Variants in KDM6B observed in about 807,000 individuals in gnomAD.
The protein encoded by KDM6B is lysine demethylase 6B.
In KDM6B, 22 loss-of-function variants were observed where a neutral mutation model predicts 150.4. The observed-to-expected ratio is 0.15, with a 90% CI of 0.10 to 0.21. KDM6B has a LOEUF of 0.21. Ranked by LOEUF, KDM6B falls within the 10% of genes least tolerant of loss-of-function variation. The probability of loss-of-function intolerance (pLI) is 1.00; values close to 1 mark genes in which losing one functional copy is unlikely to be tolerated. For missense variants in KDM6B, 1,984 were observed against 2,234.3 expected (o/e 0.89, Z 2.26); for synonymous variants, 1,148 against 921.1 (o/e 1.25, Z -4.46).
rs2078506115 is a variant in KDM6B, at chr17:7,845,141, C to G, written c.-149+121C>G. ...CTGCCACACACGTCCTGACTCCCAG[C>G]CACACTCCTGGGCCTCTAGGGAGTG... is the stretch of plus-strand genomic sequence containing the variant. On this transcript the variant is annotated intron_variant, in intron 3 of 23. Coordinates refer to ENST00000448097, the MANE Select transcript of KDM6B (RefSeq NM_001348716.2). 3.3e-5 allele frequency: 10 copies of G among 304,948 alleles called. No homozygotes were observed. In the Admixed American group the frequency reaches 4.5e-4, roughly 14 times the overall value. 18.9% of individuals were successfully genotyped at this position (304,948 alleles called of 1,614,324 possible). A position where few individuals can be genotyped will look rare whatever the true frequency, so the allele number is the denominator to read the frequency against.
At chr17:7,847,081 T>C in intron 10 of KDM6B, 24 bp from the exon 11 acceptor site, 1 of 1,611,186 alleles carries the variant, frequency 6.2e-7, no homozygotes, top group East Asian at 2.2e-5. Context: ...TTCCTCATCC[T>C]GCATCCCTGT....
At chr17:7,846,001 G>A (rs758085414) in intron 6 of KDM6B, 31 bp downstream of exon 6, 1 of 1,608,052 alleles carries the variant, frequency 6.2e-7, no homozygotes, top group Admixed American at 1.7e-5. Context: ...TCTGGGAGTG[G>A]GAGGTAAGGC....
At position 7,847,309 on chromosome 17, in the gene KDM6B, T is replaced by C. The variant is rs1022521532; in HGVS notation, c.1114T>C (p.Ser372Pro). Residue 372 changes from serine to proline, a missense_variant, in exon 11 of 24, where the codon TCC (serine) becomes CCC (proline). Transcript: ENST00000448097. ...CAGAGTTCAGAGGTCGCGGATGGAC[T>C]CCAGCGTTTCACCAGCAGCAACCAC... ...ESRVQRSRMD[S>P]SVSPAATTAC... 5.6e-6 allele frequency: 9 copies of C among 1,606,888 alleles called. No individual in the cohort carries two copies. The highest frequency in any genetic ancestry group is 4.4e-5 in the South Asian group (4 of 91,060).
At position 7,853,717 on chromosome 17, in the gene KDM6B, G is replaced by C; in HGVS notation, c.*196G>C. 2.9e-6 allele frequency: 1 copy of C among 348,262 alleles called. No homozygotes were observed. Among genetic ancestry groups the C allele is most frequent in the East Asian group, 4.9e-5 (1 of 20,518 alleles). 21.6% of individuals were successfully genotyped at this position (348,262 alleles called of 1,614,324 possible). On this transcript the variant is annotated 3_prime_UTR_variant, in exon 24 of 24. Transcript: ENST00000448097. ...TTTTTAGCAAATATGAGGAAAAAAGGAAAAAAAATGGGAGACGGGGGAGGG... is the reference window on the plus strand; with the variant it reads ...TTTTTAGCAAATATGAGGAAAAAAGCAAAAAAAATGGGAGACGGGGGAGGG...
At position 7,850,195 on chromosome 17, in the gene KDM6B, A is replaced by G; in HGVS notation, c.3673+18A>G. The G allele has an allele frequency of 6.2e-7, 1 of 1,600,722 alleles. No homozygotes were observed. Among genetic ancestry groups the G allele is most frequent in the South Asian group, 1.1e-5 (1 of 90,728 alleles). On this transcript the variant is annotated intron_variant, in intron 14 of 23. Transcript: ENST00000448097. ...GCGGCTCAGTGAGTATGGGGGGCAG[A>G]AAGTGTTAGGGAGGGCTACAAGGGT...
intron 2 of KDM6B, 174 bp downstream of exon 2, chr17:7,840,198 C>T (rs999426450): frequency 6.6e-6 from 1 of 152,386 alleles, no homozygotes; most frequent in African/African-American, 2.4e-5. Flanking sequence ...ATGGACCTCC[C>T]TTCTATCTCC....
At chr17:7,834,766 T>G (rs1439785576) in intron 1 of KDM6B, among the ~76,000 whole-genome samples, 1 of 152,116 alleles carries the variant, frequency 6.6e-6, no homozygotes, top group Admixed American at 6.5e-5. Flanking sequence ...CCAGGACTAC[T>G]TTAAGTCTCC....
At position 7,847,011 on chromosome 17, in the gene KDM6B, C is replaced by T. The variant is rs755103814; in HGVS notation, c.904C>T (p.Arg302Cys). 14 of 1,613,560 alleles carry T rather than the reference C, an allele frequency of 8.7e-6. No individual in the cohort carries two copies. Among genetic ancestry groups the T allele is most frequent in the African/African-American group, 4.0e-5 (3 of 74,998 alleles). Reference sequence around the variant, plus strand: ...GCGCAAGGGTTCAGCACCCCCAGAGCGCCAGGTGAGCCCCTGCCTGTTGCC... The same window carrying T: ...GCGCAAGGGTTCAGCACCCCCAGAGTGCCAGGTGAGCCCCTGCCTGTTGCC... ...PERKGSAPPERQEQRHSLPHP... is the reference protein window; with the variant it reads ...PERKGSAPPECQEQRHSLPHP... The change falls in exon 10 of 24, where the codon CGC (arginine) becomes TGC (cysteine). Residue 302 changes from arginine (R) to cysteine (C), a missense_variant. Physicochemically the swap from Arg to Cys is radical, Grantham distance 180 (BLOSUM62 -3). Coordinates refer to ENST00000448097, the MANE Select transcript of KDM6B (RefSeq NM_001348716.2).
rs760017661 is a variant in KDM6B, at chr17:7,849,154, G to A, written c.2866G>A (p.Ala956Thr). Residue 956 changes from alanine (A) to threonine (T), a missense_variant, in exon 12 of 24, where the codon GCA (alanine) becomes ACA (threonine). Ala to Thr is a moderately conservative substitution (Grantham distance 58). Coordinates refer to ENST00000448097, the MANE Select transcript of KDM6B (RefSeq NM_001348716.2). ...DSGTERLLPP[A>T]QAKEEAGGVA... The stretch of plus-strand genomic sequence containing the variant: ...TGGGACTGAGCGACTGCTGCCCCCC[G>A]CACAGGCCAAGGAGGAGGCTGGCGG... The A allele has an allele frequency of 1.1e-5, 18 of 1,611,150 alleles. No individual in the cohort carries two copies. Among genetic ancestry groups the A allele is most frequent in the Admixed American group, 5.0e-5 (3 of 59,898 alleles).
Position 7,849,706 on chromosome 17 carries a change from G to C in KDM6B, c.3418G>C (p.Ala1140Pro). 1 of 1,611,080 alleles carries C rather than the reference G, an allele frequency of 6.2e-7. No homozygotes were observed. Among genetic ancestry groups the C allele is most frequent in the Non-Finnish European group, 8.5e-7 (1 of 1,179,940 alleles). ...MADLTISHCAADVVRASRNAK... is the reference protein window; with the variant it reads ...MADLTISHCAPDVVRASRNAK... ...AGACCTCACCATCAGCCACTGTGCT[G>C]CTGACGTCGTGCGCGCCAGCAGGTG... is the stretch of plus-strand genomic sequence containing the variant. The change falls in exon 12 of 24, where the codon GCT becomes CCT. Residue 1140 changes from alanine (A) to proline (P), a missense_variant. Physicochemically the swap from Ala to Pro is conservative, Grantham distance 27 (BLOSUM62 -1). Around this residue, in one of 13 missense-constraint regions of KDM6B, gnomAD observed 1,379 missense variants for 1,275.6 expected, o/e 1.08. Coordinates refer to ENST00000448097, the MANE Select transcript of KDM6B (RefSeq NM_001348716.2).
At chr17:7,850,756 C>G (rs2078676182) in intron 14 of KDM6B, among the ~76,000 whole-genome samples, 1 of 152,198 alleles carries the variant, frequency 6.6e-6, no homozygotes, top group Non-Finnish European at 1.5e-5. Context: ...TGCACATGGC[C>G]ACGCACACAT....
chr17:7,853,891 G>A lies in KDM6B; in HGVS notation c.*370G>A, dbSNP rs928053261. 5.4e-6 allele frequency: 1 copy of A among 184,914 alleles called. No individual in the cohort carries two copies. Among genetic ancestry groups the A allele is most frequent in the East Asian group, 1.5e-4 (1 of 6,694 alleles). The allele number at this position is 184,914 out of a possible 1,614,324, so 11.5% of individuals were successfully genotyped here. On this transcript the variant is annotated 3_prime_UTR_variant, in exon 24 of 24. Coordinates refer to ENST00000448097, the MANE Select transcript of KDM6B (RefSeq NM_001348716.2). ...GCCCGCCCGCCCGGCGCAGATGCAC[G>A]CGGCTCGTGTATGTACATAGACGTT...
In KDM6B at chr17:7,846,052, ACACCCC is replaced by A; in HGVS notation, c.237-19_237-14del. On this transcript the variant is annotated intron_variant, in intron 6 of 23. Transcript: ENST00000448097. Reference sequence around the variant, plus strand: ...GTCCCCTCAAGCCCAACCCCCACCCACACCCCCACCCCTTCTGCTCTGTAGGGCGCC... The same window carrying A: ...GTCCCCTCAAGCCCAACCCCCACCCACACCCCTTCTGCTCTGTAGGGCGCC... 4 of 522,258 alleles carry A rather than the reference ACACCCC, an allele frequency of 7.7e-6. No homozygotes were observed. The highest frequency in any genetic ancestry group is 1.2e-5 in the Non-Finnish European group (4 of 333,320). 32.4% of individuals were successfully genotyped at this position (522,258 alleles called of 1,614,324 possible).
At chr17:7,838,747 T>A (rs1449955361) in intron 1 of KDM6B, among the ~76,000 whole-genome samples, 2 of 151,366 alleles carry the variant, frequency 1.3e-5, no homozygotes, top group East Asian at 2.0e-4. Flanking sequence ...AGATACACAC[T>A]CTCTGCTCCC....
chr17:7,839,044 C>A lies in KDM6B; in HGVS notation c.-387-862C>A, dbSNP rs1373956698. 2.2e-4 allele frequency among the ~76,000 whole-genome samples: 34 copies of A among 152,106 alleles called. 1 individual carries two copies. The highest frequency in any genetic ancestry group is 2.2e-3 in the Admixed American group (34 of 15,260). The stretch of plus-strand genomic sequence containing the variant: ...AGGGAATATAGAGATTAGATTGGGA[C>A]CCCAAGTGTTTGGGTCCATAAGGGC... On this transcript the variant is annotated intron_variant, in intron 1 of 23. Coordinates refer to ENST00000448097, the MANE Select transcript of KDM6B (RefSeq NM_001348716.2).
At position 7,848,803 on chromosome 17, in the gene KDM6B, C is replaced by T. The variant is rs906953942; in HGVS notation, c.2515C>T (p.Pro839Ser). The T allele has an allele frequency of 4.3e-6, 7 of 1,612,698 alleles. No individual in the cohort carries two copies. In the Admixed American group the frequency reaches 1.2e-4, roughly 27 times the overall value. ...PGPLPTTQYS[P>S]GPPSGATALP... is the part of the protein sequence containing the mutation. ...GCCCTTGCCCACCACTCAGTATTCC[C>T]CTGGCCCCCCATCAGGTGCTACCGC... Residue 839 changes from proline to serine, a missense_variant, in exon 12 of 24, where the codon CCT becomes TCT. By Grantham distance (74) the Pro-to-Ser change is moderately conservative. Coordinates refer to ENST00000448097, the MANE Select transcript of KDM6B (RefSeq NM_001348716.2).
chr17:7,847,310 C>A lies in KDM6B; in HGVS notation c.1115C>A (p.Ser372Tyr). 6.2e-7 allele frequency: 1 copy of A among 1,607,510 alleles called. No homozygotes were observed. Among genetic ancestry groups the A allele is most frequent in the Non-Finnish European group, 8.5e-7 (1 of 1,179,856 alleles). ...AGAGTTCAGAGGTCGCGGATGGACT[C>A]CAGCGTTTCACCAGCAGCAACCACC... ...ESRVQRSRMDSSVSPAATTAC... is the reference protein window; with the variant it reads ...ESRVQRSRMDYSVSPAATTAC... Residue 372 changes from serine to tyrosine, a missense_variant, in exon 11 of 24, where the codon TCC becomes TAC. Physicochemically the swap from Ser to Tyr is moderately radical, Grantham distance 144 (BLOSUM62 -2). This residue lies in a region of KDM6B where 1,379 missense variants were observed against 1,275.6 expected (regional missense o/e 1.08). Coordinates refer to ENST00000448097, the MANE Select transcript of KDM6B (RefSeq NM_001348716.2).
At chr17:7,835,487 T>C (rs1176612393) in intron 1 of KDM6B, among the ~76,000 whole-genome samples, 1 of 151,814 alleles carries the variant, frequency 6.6e-6, no homozygotes, top group African/African-American at 2.4e-5. Context: ...AGGCGCAGCG[T>C]TGACCTCGGC....
chr17:7,845,181 C>T lies in KDM6B; in HGVS notation c.-148-133C>T, dbSNP rs905954197. 6.3e-5 allele frequency: 24 copies of T among 378,524 alleles called. 2 individuals are homozygous for T. Among genetic ancestry groups the T allele is most frequent in the Non-Finnish European group, 1.5e-5 (3 of 197,106 alleles). The allele number at this position is 378,524 out of a possible 1,614,324, so 23.4% of individuals were successfully genotyped here. A position where few individuals can be genotyped will look rare whatever the true frequency, so the allele number is the denominator to read the frequency against. On this transcript the variant is annotated intron_variant, in intron 3 of 23. Coordinates refer to ENST00000448097, the MANE Select transcript of KDM6B (RefSeq NM_001348716.2). ...TCTAGGGAGTGGTTGGGCCGGGCCTCCCTTTGGGGAAAGCTAAGGCCGGGC... is the reference window on the plus strand; with the variant it reads ...TCTAGGGAGTGGTTGGGCCGGGCCTTCCTTTGGGGAAAGCTAAGGCCGGGC...
Sources: allele counts gnomAD v4.1 joint callset (sites outside exome capture counted in the v4.1 genomes callset), GRCh38; gene constraint gnomAD v4.1.1; regional missense constraint gnomAD v4.1.1; transcripts MANE v1.5; gene names NCBI Gene and HGNC (gene_info 2026-07-23, HGNC 2026-07-21).